Variants in SPMIP8 observed in about 807,000 individuals in gnomAD.
The protein encoded by SPMIP8 is sperm microtubule inner protein 8.
the SPMIP8 span, among the ~76,000 whole-genome samples, chr16:57,978,700 C>T: frequency 9.5e-4 from 144 of 152,180 alleles, no homozygotes; most frequent in African/African-American, 3.3e-3. Context: ...ACTGCAACCT[C>T]GACCTCCCAG....
the SPMIP8 span, among the ~76,000 whole-genome samples, chr16:57,981,103 G>A: frequency 5.3e-5 from 8 of 152,068 alleles, no homozygotes; most frequent in African/African-American, 1.4e-4. Flanking sequence ...TATCTTGGCC[G>A]GGCGTGGCGG....
chr16:57,979,674 T>C, the SPMIP8 span, among the ~76,000 whole-genome samples: 1 of 149,508 alleles, frequency 6.7e-6, no homozygotes, highest in African/African-American at 2.5e-5. Flanking sequence ...CCCACCACAT[T>C]CTTAGTTTCT....
the SPMIP8 span, among the ~76,000 whole-genome samples, chr16:57,982,694 T>C: frequency 6.6e-6 from 1 of 152,222 alleles, no homozygotes; most frequent in Non-Finnish European, 1.5e-5. Flanking sequence ...CCTGAATATA[T>C]ATTCTCTGTT....
At chr16:57,980,243 C>T in the SPMIP8 span, among the ~76,000 whole-genome samples, 8 of 152,256 alleles carry the variant, frequency 5.3e-5, no homozygotes, top group South Asian at 1.7e-3. Context: ...GTTGGCTAAA[C>T]ATACATATTC....
At chr16:57,984,437 A>G in the SPMIP8 span, 1 of 1,585,892 alleles carries the variant, frequency 6.3e-7, no homozygotes, top group Non-Finnish European at 8.7e-7. Context: ...CCTGGGATCT[A>G]CACCCCGCGC....
the SPMIP8 span, chr16:57,985,371 C>G: frequency 1.9e-6 from 3 of 1,594,162 alleles, no homozygotes; most frequent in Non-Finnish European, 2.6e-6. Flanking sequence ...CAGAGCAGGG[C>G]CTCCCAGTCT....
the SPMIP8 span, among the ~76,000 whole-genome samples, chr16:57,981,431 T>TATTATAATTATTATTATTATAATA: frequency 2.3e-5 from 3 of 133,128 alleles, no homozygotes. Context: ...TTATTATTAT[T>TATTATAATTATTATTATTATAATA]ATAATTTGGT....
At chr16:57,981,532 G>A in the SPMIP8 span, among the ~76,000 whole-genome samples, 1 of 62,864 alleles carries the variant, frequency 1.6e-5, no homozygotes, top group Non-Finnish European at 2.8e-5. Context: ...TTTTTTTTGA[G>A]ACAGAGTCTC....
the SPMIP8 span, chr16:57,977,985 G>C: frequency 2.5e-6 from 4 of 1,614,010 alleles, no homozygotes; most frequent in African/African-American, 5.3e-5. Context: ...CAGGGACACC[G>C]TCAAGGCCTG....
the SPMIP8 span, among the ~76,000 whole-genome samples, chr16:57,979,666 C>T: frequency 0.011 from 1,614 of 152,064 alleles, 19 homozygotes; most frequent in Admixed American, 0.021. Context: ...ACCACCCCCC[C>T]ACCACATTCT....
chr16:57,977,139 G>T, the SPMIP8 span, among the ~76,000 whole-genome samples: 19,160 of 152,134 alleles, frequency 0.13, 1,276 homozygotes, highest in East Asian at 0.18. Flanking sequence ...GCCAGGCAAG[G>T]TGGCTCACAC....
the SPMIP8 span, among the ~76,000 whole-genome samples, chr16:57,979,334 G>A: frequency 8.1e-4 from 123 of 152,248 alleles, 1 homozygote; most frequent in African/African-American, 2.8e-3. Flanking sequence ...CACAAGTGAG[G>A]GAAGTGGGTG....
chr16:57,980,763 T>C, the SPMIP8 span, among the ~76,000 whole-genome samples: 1 of 152,192 alleles, frequency 6.6e-6, no homozygotes, highest in African/African-American at 2.4e-5. Context: ...GTCAAAAACA[T>C]GGCTCTTTAC....
the SPMIP8 span, among the ~76,000 whole-genome samples, chr16:57,978,286 T>C: frequency 3.9e-5 from 6 of 152,100 alleles, no homozygotes; most frequent in Non-Finnish European, 4.4e-5. Context: ...CTGGGCGCAG[T>C]CCCAGCACTT....
At chr16:57,985,401 C>A in the SPMIP8 span, 1 of 1,610,184 alleles carries the variant, frequency 6.2e-7, no homozygotes, top group Non-Finnish European at 8.5e-7. Flanking sequence ...CGGTCTCTAG[C>A]AGGAAGCCCT....
the SPMIP8 span, chr16:57,976,693 TC>T: frequency 6.3e-7 from 1 of 1,595,274 alleles, no homozygotes; most frequent in Non-Finnish European, 8.5e-7. Context: ...CCCCTCCCTG[TC>T]CCTCCCCAGG....
chr16:57,987,404 A>G, the SPMIP8 span: 2 of 1,597,998 alleles, frequency 1.3e-6, no homozygotes, highest in African/African-American at 2.7e-5. Context: ...AGTCGTGTCA[A>G]CTACCTGACC....
the SPMIP8 span, chr16:57,987,507 C>A: frequency 1.4e-6 from 2 of 1,468,520 alleles, no homozygotes; most frequent in South Asian, 1.3e-5. Flanking sequence ...CTTATGGTGG[C>A]ACCAGCCATC....
chr16:57,982,592 C>T, the SPMIP8 span, among the ~76,000 whole-genome samples: 1 of 152,206 alleles, frequency 6.6e-6, no homozygotes, highest in Admixed American at 6.5e-5. Context: ...GCGACAGATG[C>T]CGTGTTTGCC....
Sources: allele counts gnomAD v4.1 joint callset (sites outside exome capture counted in the v4.1 genomes callset), GRCh38; gene constraint gnomAD v4.1.1; transcripts MANE v1.5; gene names NCBI Gene and HGNC (gene_info 2026-07-23, HGNC 2026-07-21).